Variants in SIGLEC10 observed in about 807,000 individuals in gnomAD.
The protein encoded by SIGLEC10 is sialic acid binding Ig like lectin 10, also known as sialic acid-binding Ig-like lectin 10.
Under a neutral mutation model 68.3 loss-of-function variants are expected in SIGLEC10, and 45 were observed. The observed-to-expected ratio is 0.66, with a 90% CI of 0.52 to 0.84. The LOEUF is 0.84. Ranked by LOEUF, SIGLEC10 falls within the 40% of genes least tolerant of loss-of-function variation. The pLI is 0.00. For synonymous variants in SIGLEC10, 379 were observed against 370.8 expected, an observed-to-expected ratio of 1.02 and a Z score of -0.26; for missense variants, 789 against 883.1, an observed-to-expected ratio of 0.89 and a Z score of 1.35.
At chr19:51,412,284 T>G (rs1287830778) in intron 10 of SIGLEC10, among the ~76,000 whole-genome samples, 1 of 152,024 alleles carries the variant, frequency 6.6e-6, no homozygotes, top group Non-Finnish European at 1.5e-5. Flanking sequence ...GGGGTGTTGA[T>G]GCATGGCTTG....
intron 10 of SIGLEC10, among the ~76,000 whole-genome samples, chr19:51,412,475 G>A (rs1036900520): frequency 2.6e-5 from 4 of 151,836 alleles, no homozygotes; most frequent in African/African-American, 7.3e-5. Flanking sequence ...CATAAATGGT[G>A]GAATTAGTCT....
rs757554352 is a variant in SIGLEC10, at chr19:51,416,680, C to A, written c.692G>T (p.Arg231Leu). 6.2e-7 allele frequency: 1 copy of A among 1,613,684 alleles called. No individual in the cohort carries two copies. Among genetic ancestry groups the A allele is most frequent in the Non-Finnish European group, 8.5e-7 (1 of 1,179,988 alleles). The change falls in exon 3 of 11, where the codon CGA (arginine) becomes CTA (leucine). Residue 231 changes from arginine to leucine, a missense_variant. Physicochemically the swap from Arg to Leu is moderately radical, Grantham distance 102. Transcript: ENST00000339313. ...RKGVSAQRTV[R>L]LRVAYAPRDL... ...GCCACACTCACAGGCCACACGGAGTCGGACGGTCCTCTGTGCGCTCACACC... is the reference window on the plus strand; with the variant it reads ...GCCACACTCACAGGCCACACGGAGTAGGACGGTCCTCTGTGCGCTCACACC...
At chr19:51,416,544 C>T in intron 3 of SIGLEC10, 122 bp downstream of exon 3, 1 of 1,570,312 alleles carries the variant, frequency 6.4e-7, no homozygotes, top group Non-Finnish European at 8.6e-7. Flanking sequence ...CATCCTGGGA[C>T]CCCACAGCTT....
rs1043666100 is a variant in SIGLEC10 at position 51,410,285 on chromosome 19, G to A, written c.*814C>T. On this transcript the variant is annotated 3_prime_UTR_variant, in exon 11 of 11. Coordinates refer to ENST00000339313, the MANE Select transcript of SIGLEC10 (RefSeq NM_033130.5). ...CAGAGGTCACTCTCGTGGCCAACTTGGTTTTGGTGGGATTTGGTTGGCTTC... is the reference window on the plus strand; with the variant it reads ...CAGAGGTCACTCTCGTGGCCAACTTAGTTTTGGTGGGATTTGGTTGGCTTC... 1 of 152,182 alleles carries A rather than the reference G, an allele frequency of 6.6e-6. No homozygotes were observed. The highest frequency in any genetic ancestry group is 2.4e-5 in the African/African-American group (1 of 41,426). 9.4% of individuals were successfully genotyped at this position (152,182 alleles called of 1,614,324 possible).
At position 51,414,856 on chromosome 19, in the gene SIGLEC10, C is replaced by G; in HGVS notation, c.1583G>C (p.Gly528Ala). The G allele has an allele frequency of 6.2e-7, 1 of 1,614,088 alleles. No homozygotes were observed. Among genetic ancestry groups the G allele is most frequent in the Non-Finnish European group, 8.5e-7 (1 of 1,180,004 alleles). Residue 528 changes from glycine to alanine, a missense_variant, in exon 8 of 11, where the codon GGG (glycine) becomes GCG (alanine). Coordinates refer to ENST00000339313, the MANE Select transcript of SIGLEC10 (RefSeq NM_033130.5). The surrounding 1 kb of genome is among the most constrained non-coding windows in gnomAD (Gnocchi z 4.1). The part of the protein sequence containing the change: ...RLRCEAWNVH[G>A]AQSGSILQLP... ...CTGCAGGATGGATCCACTCTGGGCCCCATGGACGTTCCAGGCCTCACAGCG... is the reference window on the plus strand; with the variant it reads ...CTGCAGGATGGATCCACTCTGGGCCGCATGGACGTTCCAGGCCTCACAGCG...
intron 10 of SIGLEC10, among the ~76,000 whole-genome samples, chr19:51,413,433 G>A (rs745933617): frequency 3.9e-5 from 6 of 152,186 alleles, no homozygotes; most frequent in Non-Finnish European, 7.3e-5. Context: ...CATGTCAATG[G>A]TGGCAGTAAT....
At position 51,414,532 on chromosome 19, in the gene SIGLEC10, C is replaced by T. The variant is rs774661582; in HGVS notation, c.1616-17G>A. 3 of 1,610,214 alleles carry T rather than the reference C, an allele frequency of 1.9e-6. No homozygotes were observed. Among genetic ancestry groups the T allele is most frequent in the South Asian group, 2.2e-5 (2 of 90,756 alleles). ...CCTTCTTATCTGCACACGGAGAGGG[C>T]AAGGTGAGCATTTCCCATCCACGCA... On this transcript the variant is annotated splice_polypyrimidine_tract_variant and intron_variant, in intron 8 of 10. Transcript: ENST00000339313. This position sits in a 1 kb window ranked among gnomAD's most constrained non-coding sequence, Gnocchi z 4.1.
At chr19:51,417,040 C>T (rs1988763748) in intron 2 of SIGLEC10, 42 bp downstream of exon 2, 5 of 1,603,650 alleles carry the variant, frequency 3.1e-6, no homozygotes, top group East Asian at 2.2e-5. Flanking sequence ...CCCAGGGTCC[C>T]TCCCCAGTGT....
Position 51,413,778 on chromosome 19 carries a change from C to T in SIGLEC10, c.1755G>A (p.Arg585=). The part of the protein sequence containing the change: ...PKRRTQTETP[R]PRFSRHSTIL... Reference sequence around the variant, plus strand: ...TCGTGCTGTGCCGGGAGAACCTGGGCCTCGGGGTTTCTGTCTGAGTCCGTC... The same window carrying T: ...TCGTGCTGTGCCGGGAGAACCTGGGTCTCGGGGTTTCTGTCTGAGTCCGTC... Residue 585 remains arginine (R), a synonymous_variant, in exon 10 of 11, where the codon AGG becomes AGA. Coordinates refer to ENST00000339313, the MANE Select transcript of SIGLEC10 (RefSeq NM_033130.5). The T allele has an allele frequency of 1.9e-6, 3 of 1,614,034 alleles. No individual in the cohort carries two copies. Among genetic ancestry groups the T allele is most frequent in the African/African-American group, 1.3e-5 (1 of 74,972 alleles).
In SIGLEC10 at chr19:51,414,970, T is replaced by C. The variant is rs767389108; in HGVS notation, c.1469A>G (p.Asp490Gly). 8 of 1,612,918 alleles carry C rather than the reference T, an allele frequency of 5.0e-6. No homozygotes were observed. In the Admixed American group the frequency reaches 5.0e-5, roughly 10 times the overall value. Residue 490 changes from aspartate to glycine, a missense_variant, in exon 8 of 11, where the codon GAC (aspartate) becomes GGC (glycine). Coordinates refer to ENST00000339313, the MANE Select transcript of SIGLEC10 (RefSeq NM_033130.5). This position sits in a 1 kb window ranked among gnomAD's most constrained non-coding sequence, Gnocchi z 4.1. Reference protein sequence around the residue: ...EELLEGNSSQDSFEVTPSSAG... With the variant: ...EELLEGNSSQGSFEVTPSSAG... ...TGAGCTGGGGGTGACCTCGAAGGAG[T>C]CCTGGCTGCTGTTCCCCTCCAGCAG...
chr19:51,415,658 T>G (rs1988543881), intron 5 of SIGLEC10, 43 bp from the exon 6 acceptor site: 1 of 1,613,734 alleles, frequency 6.2e-7, no homozygotes, highest in Non-Finnish European at 8.5e-7. Flanking sequence ...GACCAGGGGC[T>G]TCCCTCTGGG....
At chr19:51,411,919 G>A (rs1406994717) in intron 10 of SIGLEC10, among the ~76,000 whole-genome samples, 2 of 151,916 alleles carry the variant, frequency 1.3e-5, no homozygotes, top group African/African-American at 4.8e-5. Context: ...GAGGCGGGTG[G>A]ATCACCTGAG....
At position 51,416,156 on chromosome 19, in the gene SIGLEC10, G is replaced by C; in HGVS notation, c.766C>G (p.Gln256Glu). Reference sequence around the variant, plus strand: ...AGGTATGGGACATTTCCCTGGGGCTGGGGCTCCAGGGCTGGAGTGGGAGGA... The same window carrying C: ...AGGTATGGGACATTTCCCTGGGGCTCGGGCTCCAGGGCTGGAGTGGGAGGA... The part of the protein sequence containing the change: ...SRDNTPALEP[Q>E]PQGNVPYLEA... The change falls in exon 5 of 11, where the codon CAG (glutamine) becomes GAG (glutamate). Residue 256 changes from glutamine to glutamate, a missense_variant. Transcript: ENST00000339313. 1 of 1,610,592 alleles carries C rather than the reference G, an allele frequency of 6.2e-7. No individual in the cohort carries two copies. The highest frequency in any genetic ancestry group is 8.5e-7 in the Non-Finnish European group (1 of 1,178,434).
In SIGLEC10 at chr19:51,417,119, A is replaced by G; in HGVS notation, c.384T>C (p.Tyr128=). 1 of 1,614,170 alleles carries G rather than the reference A, an allele frequency of 6.2e-7. No individual in the cohort carries two copies. The highest frequency in any genetic ancestry group is 8.5e-7 in the Non-Finnish European group (1 of 1,180,026). Reference sequence around the variant, plus strand: ...GAAAGAACCCATCGTTCATGAAATTATATCTCACATAGCTTCCTCTCTCCA... The same window carrying G: ...GAAAGAACCCATCGTTCATGAAATTGTATCTCACATAGCTTCCTCTCTCCA... ...FRVERGSYVR[Y]NFMNDGFFLK... is the part of the protein sequence containing the mutation. Residue 128 remains tyrosine (Y), a synonymous_variant, in exon 2 of 11, where the codon TAT becomes TAC. Transcript: ENST00000339313.
chr19:51,414,759 G>A lies in SIGLEC10; in HGVS notation c.1615+65C>T. 6.2e-7 allele frequency: 1 copy of A among 1,600,964 alleles called. No homozygotes were observed. The highest frequency in any genetic ancestry group is 8.5e-7 in the Non-Finnish European group (1 of 1,175,470). On this transcript the variant is annotated intron_variant, in intron 8 of 10. Transcript: ENST00000339313. The surrounding 1 kb of genome is among the most constrained non-coding windows in gnomAD (Gnocchi z 4.1). Reference sequence around the variant, plus strand: ...CTCCAAGCTCCTGCTCCAACCACAGGACCCTACTCTTTGCCCCAGTCAGCT... The same window carrying A: ...CTCCAAGCTCCTGCTCCAACCACAGAACCCTACTCTTTGCCCCAGTCAGCT...
Position 51,417,268 on chromosome 19 carries a change from T to C in SIGLEC10, c.235A>G (p.Ser79Gly), listed in dbSNP as rs751570785. The C allele has an allele frequency of 1.9e-5, 30 of 1,614,080 alleles. No individual in the cohort carries two copies. The South Asian group carries it at 2.9e-4, about 15-fold the overall frequency. Residue 79 changes from serine (S) to glycine (G), a missense_variant, in exon 2 of 11, where the codon AGT becomes GGT. By Grantham distance (56) the Ser-to-Gly change is moderately conservative. Transcript: ENST00000339313. ...CGGGTGCTCATTTCCACCTCTCGAC[T>C]CTGGTGGTTTGTGGCCACAGGAGCA... is the stretch of plus-strand genomic sequence containing the variant. Reference protein sequence around the residue: ...KGAPVATNHQSREVEMSTRGR... With the variant: ...KGAPVATNHQGREVEMSTRGR...
Position 51,414,943 on chromosome 19 carries a change from G to A in SIGLEC10, c.1496C>T (p.Ala499Val), listed in dbSNP as rs1988431565. Residue 499 changes from alanine to valine, a missense_variant, in exon 8 of 11, where the codon GCC becomes GTC. By Grantham distance (64) the Ala-to-Val change is moderately conservative (BLOSUM62 0). Coordinates refer to ENST00000339313, the MANE Select transcript of SIGLEC10 (RefSeq NM_033130.5). The surrounding 1 kb of genome is among the most constrained non-coding windows in gnomAD (Gnocchi z 4.1). Reference sequence around the variant, plus strand: ...CAGGGAGCTGTTGGCCCAGGGCCCGGCTGAGCTGGGGGTGACCTCGAAGGA... The same window carrying A: ...CAGGGAGCTGTTGGCCCAGGGCCCGACTGAGCTGGGGGTGACCTCGAAGGA... Reference protein sequence around the residue: ...QDSFEVTPSSAGPWANSSLSL... With the variant: ...QDSFEVTPSSVGPWANSSLSL... 1.2e-6 allele frequency: 2 copies of A among 1,613,904 alleles called. No individual in the cohort carries two copies. The highest frequency in any genetic ancestry group is 2.7e-5 in the African/African-American group (2 of 74,940).
intron 10 of SIGLEC10, 116 bp from the exon 11 acceptor site, chr19:51,411,487 C>T (rs779555105): frequency 1.5e-6 from 2 of 1,325,196 alleles, no homozygotes; most frequent in Non-Finnish European, 2.1e-6. Context: ...CCTTGCCTTG[C>T]TGAGCTTGCA....
chr19:51,413,802 T>C lies in SIGLEC10; in HGVS notation c.1731A>G (p.Arg577=), dbSNP rs1473978329. The C allele has an allele frequency of 1.2e-6, 2 of 1,614,078 alleles. No homozygotes were observed. The highest frequency in any genetic ancestry group is 1.7e-6 in the Non-Finnish European group (2 of 1,179,990). The stretch of plus-strand genomic sequence containing the variant: ...GCCTCGGGGTTTCTGTCTGAGTCCG[T>C]CTCTTCGGTAGAATCTTCATGCTGA... ...ALIIMKILPK[R]RTQTETPRPR... Residue 577 remains arginine (R), a synonymous_variant, in exon 10 of 11, where the codon AGA becomes AGG. Transcript: ENST00000339313.
Sources: gnomAD v4.1 joint callset for allele counts (sites outside exome capture counted in the v4.1 genomes callset) on GRCh38, gnomAD v4.1.1 for gene constraint, Gnocchi (gnomAD v3.1) non-coding constraint, MANE v1.5 for transcripts, NCBI Gene and HGNC (gene_info 2026-07-23, HGNC 2026-07-21) for gene names.